EYS: variants seen among roughly 807,000 people sequenced by gnomAD.
The protein encoded by EYS is EGF-like photoreceptor maintenance factor.
Under a neutral mutation model 282.1 loss-of-function variants are expected in EYS, and 250 were observed. The ratio of observed to expected loss-of-function variants is 0.89; its 90% CI spans 0.80 to 0.98. The LOEUF is 0.98. Ranked by LOEUF, EYS falls within the 50% of genes least tolerant of loss-of-function variation. The pLI is 0.00. For synonymous variants in EYS, 1,355 were observed against 1,282.9 expected (o/e 1.06, Z -1.20); for missense variants, 4,016 against 3,709.0 (o/e 1.08, Z -2.15).
intron 41 of EYS, among the ~76,000 whole-genome samples, chr6:63,752,031 T>C (rs999303208): frequency 6.6e-6 from 1 of 152,206 alleles, no homozygotes; most frequent in African/African-American, 2.4e-5. Context: ...TGGTGTTCTA[T>C]TCCATGTTTT....
At chr6:65,414,227 G>C (rs967185332) in intron 5 of EYS, among the ~76,000 whole-genome samples, 1 of 152,128 alleles carries the variant, frequency 6.6e-6, no homozygotes, top group Non-Finnish European at 1.5e-5. Flanking sequence ...CAATTGTATG[G>C]GTATGGAGAT....
At chr6:64,309,829 G>A (rs969506385) in intron 29 of EYS, among the ~76,000 whole-genome samples, 7 of 151,928 alleles carry the variant, frequency 4.6e-5, no homozygotes, top group East Asian at 1.9e-4. Context: ...GCTGGGCATG[G>A]TGGTGCACAC....
At chr6:64,274,982 T>G (rs1262231317) in intron 30 of EYS, among the ~76,000 whole-genome samples, 1 of 152,216 alleles carries the variant, frequency 6.6e-6, no homozygotes, top group African/African-American at 2.4e-5. Flanking sequence ...TTCTTCAAGT[T>G]CTGTATCTCT....
intron 31 of EYS, among the ~76,000 whole-genome samples, chr6:64,137,602 G>A (rs563692883): frequency 1.4e-4 from 22 of 151,994 alleles, no homozygotes; most frequent in African/African-American, 5.3e-4. Context: ...TGTGTCTCAG[G>A]AAATAGGCCC....
intron 35 of EYS, among the ~76,000 whole-genome samples, chr6:63,872,356 G>A (rs575154849): frequency 6.6e-6 from 1 of 151,878 alleles, no homozygotes; most frequent in Admixed American, 6.6e-5. Context: ...GTGTGTGTAA[G>A]TGTGCATGTG....
Position 65,342,059 on chromosome 6 carries a change from T to C in EYS, c.1599+1979A>G, listed in dbSNP as rs946663426. On this transcript the variant is annotated intron_variant, in intron 10 of 42. Transcript: ENST00000503581. ...GTTAGTCTTTTAGTTGAGAAAAACA[T>C]TGGGCTCCACAGAGCTTTGGCTTAA... 4.6e-5 allele frequency among the ~76,000 whole-genome samples: 7 copies of C among 151,240 alleles called. 1 individual carries two copies. Among genetic ancestry groups the C allele is most frequent in the South Asian group, 4.1e-4 (2 of 4,828 alleles).
At chr6:65,047,768 G>T (rs1402905317) in intron 13 of EYS, among the ~76,000 whole-genome samples, 1 of 151,876 alleles carries the variant, frequency 6.6e-6, no homozygotes, top group Non-Finnish European at 1.5e-5. Flanking sequence ...CTTACAAAGT[G>T]CGGCAGAGCA....
rs1337453505 is a variant in EYS, at chr6:64,626,239, A to G, written c.3450T>C (p.Leu1150=). The G allele has an allele frequency of 9.2e-6, 14 of 1,526,146 alleles. No homozygotes were observed. The highest frequency in any genetic ancestry group is 2.8e-5 in the African/African-American group (2 of 71,460). The allele number at this position is 1,526,146 out of a possible 1,614,324, so 94.5% of individuals were successfully genotyped here. A position where few individuals can be genotyped will look rare whatever the true frequency, so the allele number is the denominator to read the frequency against. The part of the protein sequence containing the change: ...GPGHTFDCRC[L]PGFSGQFCEI... ...CACAAAATTGACCAGAAAATCCAGG[A>G]AGACATCTAAGGAAAAAAAATGAAA... Residue 1150 remains leucine, a synonymous_variant, in exon 23 of 43, where the codon CTT becomes CTC. Coordinates refer to ENST00000503581, the MANE Select transcript of EYS (RefSeq NM_001142800.2).
intron 5 of EYS, among the ~76,000 whole-genome samples, chr6:65,431,826 C>A: frequency 6.6e-6 from 1 of 152,000 alleles, no homozygotes; most frequent in East Asian, 1.9e-4. Flanking sequence ...ACATTAAACT[C>A]ATGAATAAAT....
intron 29 of EYS, among the ~76,000 whole-genome samples, chr6:64,307,897 T>G (rs1464898121): frequency 6.6e-6 from 1 of 152,048 alleles, no homozygotes; most frequent in Non-Finnish European, 1.5e-5. Flanking sequence ...GGAAAGAATG[T>G]CACCTTATTC....
intron 2 of EYS, among the ~76,000 whole-genome samples, chr6:65,606,174 C>T (rs1291646645): frequency 2.6e-5 from 4 of 151,354 alleles, no homozygotes; most frequent in African/African-American, 9.7e-5. Context: ...ATAAGTATTC[C>T]TTACCTTCCA....
At chr6:64,840,701 A>G (rs553711822) in intron 19 of EYS, among the ~76,000 whole-genome samples, 79 of 152,264 alleles carry the variant, frequency 5.2e-4, no homozygotes, top group African/African-American at 1.9e-3. Flanking sequence ...ATAAGAAAAA[A>G]GAATGTAGAT....
intron 35 of EYS, among the ~76,000 whole-genome samples, chr6:63,950,490 T>C (rs1407347080): frequency 6.6e-6 from 1 of 152,006 alleles, no homozygotes; most frequent in Non-Finnish European, 1.5e-5. Context: ...CTCCCTTCTC[T>C]GACTCTCTTT....
intron 5 of EYS, among the ~76,000 whole-genome samples, chr6:65,473,915 G>C (rs1409270347): frequency 6.6e-6 from 1 of 151,834 alleles, no homozygotes; most frequent in Non-Finnish European, 1.5e-5. Context: ...ACAAGGCCCA[G>C]TGTTTTTTAG....
rs137888996 is a variant in EYS at position 65,678,894 on chromosome 6, C to A, written c.-448+28241G>T. On this transcript the variant is annotated intron_variant, in intron 1 of 42. Transcript: ENST00000503581. ...TCTTTTTAAACAGGAAAAAACAGATCAAAACCACAATGAAATATCAAGTCA... is the reference window on the plus strand; with the variant it reads ...TCTTTTTAAACAGGAAAAAACAGATAAAAACCACAATGAAATATCAAGTCA... Among the ~76,000 whole-genome samples the A allele has an allele frequency of 2.8e-3, 422 of 149,152 alleles. 2 individuals are homozygous for A. Among genetic ancestry groups the A allele is most frequent in the African/African-American group, 9.9e-3 (405 of 40,892 alleles).
chr6:65,257,298 G>C, intron 12 of EYS, among the ~76,000 whole-genome samples: 1 of 83,604 alleles, frequency 1.2e-5, no homozygotes, highest in African/African-American at 6.6e-5. Context: ...GTCAATTTTG[G>C]CTTTTGTTGC....
At chr6:64,058,053 C>A (rs1399352806) in intron 33 of EYS, among the ~76,000 whole-genome samples, 1 of 152,062 alleles carries the variant, frequency 6.6e-6, no homozygotes, top group African/African-American at 2.4e-5. Context: ...CATAATCTTC[C>A]TATGTTGTGG....
At chr6:64,340,500 G>A (rs1771061311) in intron 29 of EYS, among the ~76,000 whole-genome samples, 1 of 151,814 alleles carries the variant, frequency 6.6e-6, no homozygotes, top group African/African-American at 2.4e-5. Context: ...AATGGTGCTG[G>A]GATAACTGGC....
intron 26 of EYS, among the ~76,000 whole-genome samples, chr6:64,521,639 A>G (rs368085030): frequency 3.2e-4 from 49 of 151,938 alleles, no homozygotes; most frequent in Admixed American, 6.6e-4. Context: ...GAAAACTCAA[A>G]GAAAGGTTCT....
Sources: allele counts gnomAD v4.1 joint callset (sites outside exome capture counted in the v4.1 genomes callset), GRCh38; gene constraint gnomAD v4.1.1; transcripts MANE v1.5; gene names NCBI Gene and HGNC (gene_info 2026-07-23, HGNC 2026-07-21).